PCDHGA4: variants seen among roughly 807,000 people sequenced by gnomAD.
The protein encoded by PCDHGA4 is protocadherin gamma-A4.
In PCDHGA4, 38 loss-of-function variants were observed where a neutral mutation model predicts 54.6. The observed-to-expected ratio is 0.70, with a 90% CI of 0.54 to 0.91. PCDHGA4 has a LOEUF of 0.91. Among genes scored for constraint, PCDHGA4 ranks in the 40% least tolerant of loss-of-function variants. PCDHGA4 has a pLI of 0.00. For missense variants in PCDHGA4, 1,298 were observed against 1,220.9 expected (o/e 1.06, Z -0.94); for synonymous variants, 511 against 512.9 (o/e 1.00, Z 0.05).
rs377532961 is a variant in PCDHGA4 at position 141,366,656 on chromosome 5, G to A, written c.2514+9035G>A. ...CCTGATCTTTCCCCAGCCCAACTAC[G>A]CAGACACGCTCCTTAGTGAAGAGAG... On this transcript the variant is annotated intron_variant, in intron 1 of 3. Coordinates refer to ENST00000571252, the MANE Select transcript of PCDHGA4 (RefSeq NM_018917.4). 62 of 1,614,120 alleles carry A rather than the reference G, an allele frequency of 3.8e-5. No individual in the cohort carries two copies. In the South Asian group the frequency reaches 4.8e-4, roughly 13 times the overall value.
chr5:141,423,119 G>A (rs769320490), intron 1 of PCDHGA4: 1 of 1,613,774 alleles, frequency 6.2e-7, no homozygotes, highest in South Asian at 1.1e-5. Context: ...CGTACAGCGC[G>A]GGCACTGCTG....
intron 2 of PCDHGA4, among the ~76,000 whole-genome samples, chr5:141,500,788 A>T (rs1379810633): frequency 2.6e-5 from 4 of 152,198 alleles, no homozygotes; most frequent in Admixed American, 6.5e-5. Context: ...ATATTATTTT[A>T]CAGAATAAGT....
chr5:141,393,250 C>G, intron 1 of PCDHGA4: 11 of 1,613,824 alleles, frequency 6.8e-6, no homozygotes, highest in South Asian at 1.1e-5. Flanking sequence ...AACGAAATCG[C>G]GGTTCCTGGA....
At chr5:141,398,983 C>T (rs2093734558) in intron 1 of PCDHGA4, 1 of 1,613,944 alleles carries the variant, frequency 6.2e-7, no homozygotes. Context: ...CAGAACCGGG[C>T]AAATCTTTAG....
At chr5:141,366,523 G>A (rs755773964) in intron 1 of PCDHGA4, 18 of 1,614,152 alleles carry the variant, frequency 1.1e-5, no homozygotes, top group Middle Eastern at 1.6e-4. Flanking sequence ...AAGGCAGCAG[G>A]TTGGCGGGTG....
intron 1 of PCDHGA4, chr5:141,400,528 A>T (rs764084750): frequency 1.9e-6 from 3 of 1,613,868 alleles, no homozygotes; most frequent in Non-Finnish European, 2.5e-6. Context: ...TGAGTTGGTG[A>T]GTTTCATTTA....
intron 1 of PCDHGA4, chr5:141,411,907 G>A (rs2095522781): frequency 1.3e-5 from 2 of 152,156 alleles, no homozygotes; most frequent in Non-Finnish European, 2.9e-5. Flanking sequence ...TATTGCCTTT[G>A]CACTCAGTCT....
Position 141,510,964 on chromosome 5 carries a change from T to C in PCDHGA4, c.2680T>C (p.Ser894Pro), listed in dbSNP as rs1237904575. 6.2e-7 allele frequency: 1 copy of C among 1,614,084 alleles called. No individual in the cohort carries two copies. Among genetic ancestry groups the C allele is most frequent in the South Asian group, 1.1e-5 (1 of 91,082 alleles). The change falls in exon 4 of 4, where the codon TCC becomes CCC. Residue 894 changes from serine to proline, a missense_variant. Coordinates refer to ENST00000571252, the MANE Select transcript of PCDHGA4 (RefSeq NM_018917.4). ...CTCTGCAGAAGCTGCTGATGGGAGC[T>C]CCACCCTGGGAGGGGGTGCCGGCAC... is the stretch of plus-strand genomic sequence containing the variant. The part of the protein sequence containing the change: ...ASASEAADGS[S>P]TLGGGAGTMG...
intron 1 of PCDHGA4, chr5:141,364,833 G>A (rs1165362537): frequency 3.1e-6 from 5 of 1,613,882 alleles, no homozygotes; most frequent in African/African-American, 2.7e-5. Flanking sequence ...AACTCTCTCC[G>A]GAGTTACCAG....
intron 1 of PCDHGA4, chr5:141,421,579 T>G (rs753573473): frequency 1.9e-6 from 3 of 1,613,816 alleles, no homozygotes; most frequent in Non-Finnish European, 2.5e-6. Context: ...CTTGAAGATT[T>G]ACGGAGTGGA....
At chr5:141,375,348 T>A in intron 1 of PCDHGA4, 1 of 1,613,870 alleles carries the variant, frequency 6.2e-7, no homozygotes, top group Non-Finnish European at 8.5e-7. Flanking sequence ...AACATCACTG[T>A]GACAGCCACG....
At chr5:141,404,023 A>G in intron 1 of PCDHGA4, 1 of 1,613,874 alleles carries the variant, frequency 6.2e-7, no homozygotes, top group South Asian at 1.1e-5. Context: ...GCCCAGTGAG[A>G]GAAGACGCAC....
chr5:141,446,482 CTT>C (rs112180482), intron 1 of PCDHGA4, among the ~76,000 whole-genome samples: 6 of 147,048 alleles, frequency 4.1e-5, no homozygotes, highest in East Asian at 4.0e-4. Context: ...GGTCATCATT[CTT>C]TTTTTTTTTT....
intron 1 of PCDHGA4, among the ~76,000 whole-genome samples, chr5:141,438,587 C>CATAT (rs1372372472): frequency 2.7e-5 from 2 of 73,430 alleles, no homozygotes; most frequent in Non-Finnish European, 5.2e-5. Context: ...TACATACATA[C>CATAT]ATACATATAT....
chr5:141,356,573 C>G lies in PCDHGA4; in HGVS notation c.1466C>G (p.Ser489Cys), dbSNP rs1447765378. The change falls in exon 1 of 4, where the codon TCT becomes TGT. Residue 489 changes from serine to cysteine, a missense_variant. Transcript: ENST00000571252. ...CCCACTTTCCCTCATGCTTCCTACT[C>G]TGCTTACATTCCTGAAAACAACCCC... is the stretch of plus-strand genomic sequence containing the variant. ...NPPTFPHASY[S>C]AYIPENNPRG... 2 of 1,614,090 alleles carry G rather than the reference C, an allele frequency of 1.2e-6. No individual in the cohort carries two copies. The highest frequency in any genetic ancestry group is 1.7e-6 in the Non-Finnish European group (2 of 1,180,034).
At chr5:141,393,304 T>G (rs1317637425) in intron 1 of PCDHGA4, 3 of 1,613,680 alleles carry the variant, frequency 1.9e-6, no homozygotes, top group Admixed American at 1.7e-5. Context: ...GATGTGGGCG[T>G]GAACTCCCTC....
chr5:141,491,714 C>T lies in PCDHGA4; in HGVS notation c.2515-3093C>T, dbSNP rs1321811999. 2 of 1,608,744 alleles carry T rather than the reference C, an allele frequency of 1.2e-6. No individual in the cohort carries two copies. Among genetic ancestry groups the T allele is most frequent in the Non-Finnish European group, 1.7e-6 (2 of 1,177,916 alleles). The stretch of plus-strand genomic sequence containing the variant: ...GAGCGGAGCCAGGTGAGGGGCTCGG[C>T]GCCGCCCCGGGCGACCCCTGGGGGC... On this transcript the variant is annotated intron_variant, in intron 1 of 3. Coordinates refer to ENST00000571252, the MANE Select transcript of PCDHGA4 (RefSeq NM_018917.4). The surrounding 1 kb of genome is among the most constrained non-coding windows in gnomAD (Gnocchi z 6.9).
chr5:141,379,889 C>CTTTTTGTTTTTTTTTTTTT (rs1775944261), intron 1 of PCDHGA4, among the ~76,000 whole-genome samples: 1 of 50,830 alleles, frequency 2.0e-5, no homozygotes, highest in Non-Finnish European at 3.9e-5. Flanking sequence ...GTGAAAGCCT[C>CTTTTTGTTTTTTTTTTTTT]TTTTTTTTTT....
intron 1 of PCDHGA4, among the ~76,000 whole-genome samples, chr5:141,430,329 T>G (rs1466381565): frequency 1.3e-5 from 2 of 151,776 alleles, no homozygotes; most frequent in Non-Finnish European, 2.9e-5. Flanking sequence ...AATCATTGTT[T>G]ATAGAAACTT....
Sources: gnomAD v4.1 joint callset for allele counts (sites outside exome capture counted in the v4.1 genomes callset) on GRCh38, gnomAD v4.1.1 for gene constraint, Gnocchi (gnomAD v3.1) non-coding constraint, MANE v1.5 for transcripts, NCBI Gene and HGNC (gene_info 2026-07-23, HGNC 2026-07-21) for gene names.